Variants in ADGRF5 observed in about 807,000 individuals in gnomAD.
ADGRF5 encodes adhesion G protein-coupled receptor F5, also known as G-protein coupled receptor 116.
Under a neutral mutation model 132.3 loss-of-function variants are expected in ADGRF5, and 75 were observed. That is an observed-to-expected ratio of 0.57 (90% CI 0.47 to 0.69). ADGRF5 has a LOEUF of 0.69. Among genes scored for constraint, ADGRF5 ranks in the 30% least tolerant of loss-of-function variants. The pLI is 0.00. For synonymous variants in ADGRF5, 629 were observed against 597.6 expected (o/e 1.05, Z -0.77); for missense variants, 1,516 against 1,630.6 (o/e 0.93, Z 1.21).
chr6:46,928,099 G>C (rs899011441), intron 1 of ADGRF5, among the ~76,000 whole-genome samples: 1 of 152,202 alleles, frequency 6.6e-6, no homozygotes, highest in African/African-American at 2.4e-5. Context: ...ACTGACCCAA[G>C]TCAGATTGGG....
intron 2 of ADGRF5, among the ~76,000 whole-genome samples, chr6:46,902,175 C>T (rs1394977774): frequency 6.6e-6 from 1 of 152,238 alleles, no homozygotes; most frequent in East Asian, 1.9e-4. Flanking sequence ...CCCAGCTTCC[C>T]TTGGAGAATG....
At chr6:46,855,364 T>C (rs1768926108) in intron 20 of ADGRF5, among the ~76,000 whole-genome samples, 1 of 152,250 alleles carries the variant, frequency 6.6e-6, no homozygotes, top group African/African-American at 2.4e-5. Flanking sequence ...ATTTAATTCT[T>C]ACAACTCTAT....
rs116057103 is a variant in ADGRF5 at position 46,893,324 on chromosome 6, T to A, written c.158-4819A>T. On this transcript the variant is annotated intron_variant, in intron 3 of 20. Coordinates refer to ENST00000283296, the MANE Select transcript of ADGRF5 (RefSeq NM_001098518.2). ...TTCTCCTCTGAAGCCTGGAACAGTA[T>A]CATGGTCCTATAGGCAAACAGAACA... Among the ~76,000 whole-genome samples, 1,094 of 152,134 alleles carry A rather than the reference T, an allele frequency of 7.2e-3. 9 individuals carry two copies. The highest frequency in any genetic ancestry group is 0.025 in the African/African-American group (1,020 of 41,502).
chr6:46,883,647 C>G lies in ADGRF5; in HGVS notation c.524G>C (p.Arg175Thr), dbSNP rs1314106487. The G allele has an allele frequency of 6.3e-7, 1 of 1,592,114 alleles. No homozygotes were observed. The highest frequency in any genetic ancestry group is 1.1e-5 in the South Asian group (1 of 88,792). Residue 175 changes from arginine to threonine, a missense_variant, in exon 6 of 21, where the codon AGA becomes ACA. By Grantham distance (71) the Arg-to-Thr change is moderately conservative. Around this residue, in one of 2 missense-constraint regions of ADGRF5, gnomAD observed 945 missense variants for 929.4 expected, o/e 1.02. Transcript: ENST00000283296. ...TTGAAAGCCTACATTTAGTCTGACT[C>G]TCATGTTCAGGGTAACATCTGTTGA... ...LLQEDVTLNMRVRLNVGFQED... is the reference protein window; with the variant it reads ...LLQEDVTLNMTVRLNVGFQED...
Position 46,881,554 on chromosome 6 carries a change from G to C in ADGRF5, c.715C>G (p.Pro239Ala). 4 of 1,613,432 alleles carry C rather than the reference G, an allele frequency of 2.5e-6. No individual in the cohort carries two copies. The highest frequency in any genetic ancestry group is 3.4e-6 in the Non-Finnish European group (4 of 1,179,382). Residue 239 changes from proline to alanine, a missense_variant, in exon 8 of 21, where the codon CCA becomes GCA. Pro to Ala is a conservative substitution (Grantham distance 27, BLOSUM62 -1). This residue lies in a region of ADGRF5 where 945 missense variants were observed against 929.4 expected (regional missense o/e 1.02). Coordinates refer to ENST00000283296, the MANE Select transcript of ADGRF5 (RefSeq NM_001098518.2). ...GCTTTATGTATTAACTCAAGTGATG[G>C]TGGTGTAGTCTTGACTTCATATGTC... ...VVTYEVKTTP[P>A]SLELIHKANE...
At position 46,869,420 on chromosome 6, in the gene ADGRF5, C is replaced by T. The variant is rs527503409; in HGVS notation, c.1412-328G>A. The T allele has an allele frequency of 1.7e-5, 17 of 984,052 alleles. No individual in the cohort carries two copies. The South Asian group carries it at 6.6e-4, about 38-fold the overall frequency. 61.0% of individuals were successfully genotyped at this position (984,052 alleles called of 1,614,324 possible). On this transcript the variant is annotated intron_variant, in intron 11 of 20. Transcript: ENST00000283296. ...AACTTAGGGGTGTCGCCTTATCCCA[C>T]GCTCCCCTCCAACCTCCTCTGTAAC...
upstream of ADGRF5, among the ~76,000 whole-genome samples, chr6:46,926,597 G>A (rs115574605): frequency 2.9e-3 from 437 of 152,202 alleles, 2 homozygotes; most frequent in Non-Finnish European, 4.8e-3. Context: ...CCTGTGAGCC[G>A]TCCACAGCCT....
At chr6:46,929,515 T>TA (rs755997104) in intron 1 of ADGRF5, among the ~76,000 whole-genome samples, 325 of 115,024 alleles carry the variant, frequency 2.8e-3, no homozygotes, top group African/African-American at 9.8e-3. Context: ...AAAATAAAAA[T>TA]AAAAAAAAGA....
chr6:46,863,310 T>C (rs1388516551), intron 14 of ADGRF5: 7 of 659,450 alleles, frequency 1.1e-5, no homozygotes, highest in Non-Finnish European at 2.0e-5. Context: ...TAATCGGAAC[T>C]TCCTTTTCCT....
chr6:46,865,737 TTCTTTAAAG>T (rs1447819833), intron 13 of ADGRF5, among the ~76,000 whole-genome samples: 2 of 152,248 alleles, frequency 1.3e-5, no homozygotes, highest in African/African-American at 4.8e-5. Context: ...CCATGCAGCC[TTCTTTAAAG>T]ACTACAGTGT....
chr6:46,857,112 T>C (rs1460407698), intron 17 of ADGRF5, among the ~76,000 whole-genome samples: 1 of 152,252 alleles, frequency 6.6e-6, no homozygotes, highest in Non-Finnish European at 1.5e-5. Context: ...GTTAGGAAGA[T>C]ATTTTCTATT....
chr6:46,898,741 C>T (rs1774435440), intron 3 of ADGRF5, among the ~76,000 whole-genome samples: 1 of 152,202 alleles, frequency 6.6e-6, no homozygotes, highest in Middle Eastern at 3.2e-3. Flanking sequence ...AGCCTGCCCT[C>T]TTTGGCAGCC....
intron 1 of ADGRF5, among the ~76,000 whole-genome samples, chr6:46,953,298 C>A (rs923827841): frequency 6.6e-6 from 1 of 152,026 alleles, no homozygotes; most frequent in Admixed American, 6.6e-5. Context: ...CTTTAGGTAG[C>A]AAGGCTGTAA....
chr6:46,953,171 A>G (rs1018687519), intron 1 of ADGRF5, among the ~76,000 whole-genome samples: 1 of 152,222 alleles, frequency 6.6e-6, no homozygotes, highest in African/African-American at 2.4e-5. Flanking sequence ...TTTAATGTGC[A>G]TATGCATCAC....
chr6:46,852,668 ACAAT>A lies in ADGRF5; in HGVS notation c.*1320_*1323del, dbSNP rs1242215604. ...AAGCACACATGCAGATAATTCACAA[ACAAT>A]CAAATCCTTGGGAAAGGCTCTGCCA... On this transcript the variant is annotated 3_prime_UTR_variant, in exon 21 of 21. Transcript: ENST00000283296. The A allele has an allele frequency of 1.3e-5, 2 of 150,474 alleles. No individual in the cohort carries two copies. The highest frequency in any genetic ancestry group is 2.9e-5 in the Non-Finnish European group (2 of 68,032). The allele number at this position is 150,474 out of a possible 1,614,324, so 9.3% of individuals were successfully genotyped here.
intron 1 of ADGRF5, among the ~76,000 whole-genome samples, chr6:46,942,043 T>G (rs188821626): frequency 6.6e-6 from 1 of 152,314 alleles, no homozygotes; most frequent in East Asian, 1.9e-4. Context: ...TTTCTGAACA[T>G]CCTTAGCACC....
intron 3 of ADGRF5, among the ~76,000 whole-genome samples, chr6:46,891,044 A>G (rs942845321): frequency 6.6e-6 from 1 of 152,240 alleles, no homozygotes. Context: ...GAATTATTTC[A>G]TCCTGGCATC....
intron 1 of ADGRF5, chr6:46,909,044 C>A (rs1672864132): frequency 6.6e-6 from 1 of 152,092 alleles, no homozygotes; most frequent in African/African-American, 2.4e-5. Context: ...TAACCTGCAT[C>A]ATTAATCGTA....
intron 20 of ADGRF5, 142 bp downstream of exon 20, chr6:46,855,832 G>A (rs1768971423): frequency 3.2e-6 from 2 of 631,574 alleles, no homozygotes; most frequent in Admixed American, 2.9e-5. Flanking sequence ...GAAAATGTAA[G>A]TTCCTCTATT....
Sources: gnomAD v4.1 joint callset for allele counts (sites outside exome capture counted in the v4.1 genomes callset) on GRCh38, gnomAD v4.1.1 for gene constraint, gnomAD v4.1.1 regional missense constraint, MANE v1.5 for transcripts, NCBI Gene and HGNC (gene_info 2026-07-23, HGNC 2026-07-21) for gene names.